CTNND2: variants seen among roughly 807,000 people sequenced by gnomAD.
The protein encoded by CTNND2 is catenin delta-2.
CTNND2 carries 22 observed loss-of-function variants against 144.4 expected under a neutral mutation model. That is an observed-to-expected ratio of 0.15 (90% CI 0.11 to 0.22). The LOEUF is 0.22. Among genes scored for constraint, CTNND2 ranks in the 10% least tolerant of loss-of-function variants. The pLI is 1.00. For missense variants in CTNND2, 1,353 were observed against 1,618.8 expected (o/e 0.84, Z 2.82); for synonymous variants, 751 against 695.6 (o/e 1.08, Z -1.25).
At chr5:11,756,225 T>C (rs10043644) in intron 1 of CTNND2, among the ~76,000 whole-genome samples, 144,800 of 151,716 alleles carry the variant, frequency 0.95, 69,458 homozygotes, top group East Asian at 1. Context: ...AGTGGCTGAT[T>C]CAAGAATATA....
chr5:11,633,475 TC>T (rs1485278556), intron 2 of CTNND2, among the ~76,000 whole-genome samples: 1 of 152,144 alleles, frequency 6.6e-6, no homozygotes, highest in Admixed American at 6.6e-5. Flanking sequence ...GATTTAAATA[TC>T]CCATTTAAAA....
chr5:11,718,515 T>G (rs1786480604), intron 2 of CTNND2, among the ~76,000 whole-genome samples: 2 of 152,112 alleles, frequency 1.3e-5, no homozygotes. Flanking sequence ...TATCAGACAT[T>G]GGCAGGTGCT....
intron 16 of CTNND2, among the ~76,000 whole-genome samples, chr5:11,051,555 A>G (rs1745826302): frequency 6.6e-6 from 1 of 152,248 alleles, no homozygotes; most frequent in African/African-American, 2.4e-5. Context: ...AATGTTTGAG[A>G]CTAATAAAGA....
chr5:11,061,819 C>T (rs1747018287), intron 16 of CTNND2, among the ~76,000 whole-genome samples: 1 of 152,044 alleles, frequency 6.6e-6, no homozygotes, highest in South Asian at 2.1e-4. Flanking sequence ...AGTGATTTTC[C>T]TGCCTCAGCC....
intron 2 of CTNND2, among the ~76,000 whole-genome samples, chr5:11,707,085 CAAA>C (rs372658494): frequency 0.017 from 1,746 of 103,136 alleles, 30 homozygotes; most frequent in African/African-American, 0.056. Context: ...TACTCCATCT[CAAA>C]AAAAAAAAAA....
chr5:11,330,029 AG>A (rs1341567379), intron 9 of CTNND2, among the ~76,000 whole-genome samples: 1 of 152,190 alleles, frequency 6.6e-6, no homozygotes, highest in Non-Finnish European at 1.5e-5. Context: ...TGTTACATAC[AG>A]GAACTTCAGC....
chr5:11,017,604 A>G (rs964277008), intron 18 of CTNND2, among the ~76,000 whole-genome samples: 1 of 7,424 alleles, frequency 1.3e-4, no homozygotes. Context: ...ATATCTTTCC[A>G]TATATATATA....
At chr5:11,790,967 G>C (rs1442980618) in intron 1 of CTNND2, among the ~76,000 whole-genome samples, 1 of 152,080 alleles carries the variant, frequency 6.6e-6, no homozygotes, top group African/African-American at 2.4e-5. Flanking sequence ...AGGTTACACT[G>C]GGATGGGATG....
intron 21 of CTNND2, among the ~76,000 whole-genome samples, chr5:10,981,192 T>C (rs895957682): frequency 2.6e-5 from 4 of 152,328 alleles, no homozygotes; most frequent in Admixed American, 6.5e-5. Context: ...GAAGAATCTC[T>C]CCTGTGTTTC....
At chr5:11,028,566 A>G (rs1300884179) in intron 16 of CTNND2, among the ~76,000 whole-genome samples, 1 of 152,100 alleles carries the variant, frequency 6.6e-6, no homozygotes, top group Non-Finnish European at 1.5e-5. Flanking sequence ...CCCCCATTCT[A>G]CTTTCTGTCT....
At chr5:11,898,771 C>T (rs1303004357) in intron 1 of CTNND2, among the ~76,000 whole-genome samples, 1 of 152,110 alleles carries the variant, frequency 6.6e-6, no homozygotes, top group Non-Finnish European at 1.5e-5. Flanking sequence ...TTGGCAGTTC[C>T]CACAACAACA....
chr5:11,147,037 C>T (rs1213317566), intron 12 of CTNND2, among the ~76,000 whole-genome samples: 1 of 152,172 alleles, frequency 6.6e-6, no homozygotes, highest in African/African-American at 2.4e-5. Flanking sequence ...AAAAGAAGGG[C>T]CATTCATCAA....
At chr5:11,705,915 T>C (rs775679837) in intron 2 of CTNND2, among the ~76,000 whole-genome samples, 15 of 152,172 alleles carry the variant, frequency 9.9e-5, no homozygotes, top group Non-Finnish European at 1.8e-4. Flanking sequence ...AGACTTTATC[T>C]TGGGAATAGA....
chr5:11,533,877 A>G (rs1201601730), intron 3 of CTNND2, among the ~76,000 whole-genome samples: 2 of 152,214 alleles, frequency 1.3e-5, no homozygotes, highest in African/African-American at 2.4e-5. Context: ...TTGAGATGCC[A>G]GGGCTTAGTG....
chr5:11,676,449 G>A (rs1784178882), intron 2 of CTNND2, among the ~76,000 whole-genome samples: 1 of 152,058 alleles, frequency 6.6e-6, no homozygotes, highest in South Asian at 2.1e-4. Flanking sequence ...CCAGTGGGGT[G>A]AAAGTCCGTG....
chr5:11,732,530 TG>T (rs1787449182), intron 1 of CTNND2, among the ~76,000 whole-genome samples: 1 of 152,002 alleles, frequency 6.6e-6, no homozygotes, highest in East Asian at 1.9e-4. Context: ...TTGAGGTAAA[TG>T]GGGAAAGAAA....
intron 3 of CTNND2, among the ~76,000 whole-genome samples, chr5:11,516,793 T>C (rs1772203097): frequency 6.6e-6 from 1 of 152,146 alleles, no homozygotes; most frequent in South Asian, 2.1e-4. Context: ...ATTTCAGGTG[T>C]TCTTTTGTTT....
chr5:11,047,699 G>A (rs774246905), intron 16 of CTNND2, among the ~76,000 whole-genome samples: 1 of 152,070 alleles, frequency 6.6e-6, no homozygotes, highest in South Asian at 2.1e-4. Flanking sequence ...AAGTAGGCTG[G>A]GGGCACAAGA....
chr5:11,669,538 GTTTA>G (rs1315094940), intron 2 of CTNND2, among the ~76,000 whole-genome samples: 1 of 152,140 alleles, frequency 6.6e-6, no homozygotes, highest in Non-Finnish European at 1.5e-5. Flanking sequence ...AGATTTTCTA[GTTTA>G]TTTGCGTACA....
Sources: allele counts gnomAD v4.1 joint callset (sites outside exome capture counted in the v4.1 genomes callset), GRCh38; gene constraint gnomAD v4.1.1; transcripts MANE v1.5; gene names NCBI Gene and HGNC (gene_info 2026-07-23, HGNC 2026-07-21).